OTUD7B: variants seen among roughly 807,000 people sequenced by gnomAD.
OTUD7B encodes OTU domain-containing protein 7B.
OTUD7B carries 34 observed loss-of-function variants against 82.2 expected under a neutral mutation model. The observed-to-expected ratio is 0.41, with a 90% confidence interval of 0.31 to 0.55. OTUD7B has a LOEUF of 0.55. OTUD7B is among the 20% of genes least tolerant of loss of function. The pLI, the probability that OTUD7B is intolerant of heterozygous loss-of-function variation, is 0.20. For synonymous variants in OTUD7B, 398 were observed against 402.7 expected (o/e 0.99, Z 0.14); for missense variants, 944 against 1,062.1 (o/e 0.89, Z 1.55).
intron 4 of OTUD7B, among the ~76,000 whole-genome samples, chr1:149,966,438 G>C (rs1259559653): frequency 6.6e-6 from 1 of 152,120 alleles, no homozygotes; most frequent in Non-Finnish European, 1.5e-5. Context: ...TGTATTTAAG[G>C]TGTTTTATGA....
intron 1 of OTUD7B, among the ~76,000 whole-genome samples, chr1:149,999,803 TATTA>T (rs1314279369): frequency 6.6e-6 from 1 of 152,222 alleles, no homozygotes; most frequent in Non-Finnish European, 1.5e-5. Flanking sequence ...TAAATATCAA[TATTA>T]ATTAACACTA....
rs1571607502 is a variant in OTUD7B at position 149,953,017 on chromosome 1, G to C, written c.846-2796C>G. Among the ~76,000 whole-genome samples, 4 of 152,116 alleles carry C rather than the reference G, an allele frequency of 2.6e-5. No individual in the cohort carries two copies. In the Middle Eastern group the frequency reaches 0.01, roughly 388 times the overall value. On this transcript the variant is annotated intron_variant, in intron 7 of 11. Transcript: ENST00000581312. ...TAGGTTGCCTGTTCACTCTGATGGT[G>C]GTTTCTTTTGCTGTGCAGAAGCTCT...
chr1:150,054,512 A>C, the OTUD7B span: 1 of 480,778 alleles, frequency 2.1e-6, no homozygotes, highest in Admixed American at 2.3e-5. Context: ...TACTTACTTC[A>C]AGAAGAAGCT....
At chr1:149,972,658 T>C (rs781888472) in intron 2 of OTUD7B, among the ~76,000 whole-genome samples, 2 of 152,236 alleles carry the variant, frequency 1.3e-5, no homozygotes, top group African/African-American at 4.8e-5. Context: ...TGCTAGAACA[T>C]GAAGGCAGGT....
chr1:150,064,488 G>C, the OTUD7B span, among the ~76,000 whole-genome samples: 1 of 151,704 alleles, frequency 6.6e-6, no homozygotes. Context: ...CCTACCGCAC[G>C]CTTCTCAAGT....
chr1:150,059,352 C>T, the OTUD7B span, among the ~76,000 whole-genome samples: 1 of 94,374 alleles, frequency 1.1e-5, no homozygotes, highest in South Asian at 4.1e-4. Flanking sequence ...GCCACCGCAC[C>T]TGGCCACTTT....
At chr1:150,005,819 C>CT (rs1449987083) in intron 1 of OTUD7B, among the ~76,000 whole-genome samples, 2 of 152,144 alleles carry the variant, frequency 1.3e-5, no homozygotes, top group Non-Finnish European at 2.9e-5. Context: ...AATGTAGTGG[C>CT]ATTCGTCCAG....
At chr1:149,989,673 A>G (rs1267345717) in intron 1 of OTUD7B, among the ~76,000 whole-genome samples, 2 of 146,954 alleles carry the variant, frequency 1.4e-5, no homozygotes, top group Non-Finnish European at 3.0e-5. Flanking sequence ...CAGGCATTCA[A>G]AACTGCAGTG....
chr1:149,952,565 A>T (rs1553773740), intron 7 of OTUD7B, among the ~76,000 whole-genome samples: 1 of 152,242 alleles, frequency 6.6e-6, no homozygotes, highest in Non-Finnish European at 1.5e-5. Context: ...GTATATACCC[A>T]GTAATGGGAT....
the OTUD7B span, among the ~76,000 whole-genome samples, chr1:150,033,117 A>G: frequency 1.3e-5 from 2 of 152,194 alleles, no homozygotes; most frequent in Non-Finnish European, 2.9e-5. Context: ...AATCTTTGTT[A>G]TACTTATTTT....
chr1:150,010,883 C>T (rs1270541553), upstream of OTUD7B, among the ~76,000 whole-genome samples: 2 of 152,174 alleles, frequency 1.3e-5, no homozygotes, highest in Non-Finnish European at 2.9e-5. Context: ...GCGCTTGCCC[C>T]GCGCGTGACC....
chr1:149,990,856 T>C (rs769542146), intron 1 of OTUD7B, among the ~76,000 whole-genome samples: 7 of 152,076 alleles, frequency 4.6e-5, no homozygotes, highest in Non-Finnish European at 8.8e-5. Context: ...CCAGGCATGG[T>C]GGCACATGCT....
At chr1:149,959,079 G>A (rs1451252868) in intron 7 of OTUD7B, among the ~76,000 whole-genome samples, 1 of 151,906 alleles carries the variant, frequency 6.6e-6, no homozygotes, top group African/African-American at 2.4e-5. Context: ...AAAATTAGCT[G>A]GGCGTGGTGG....
rs1340489687 is a variant in OTUD7B at position 149,942,991 on chromosome 1, C to A, written c.*866G>T. The A allele has an allele frequency of 6.6e-6, 1 of 152,486 alleles. No individual in the cohort carries two copies. Among genetic ancestry groups the A allele is most frequent in the African/African-American group, 2.4e-5 (1 of 41,382 alleles). 9.4% of individuals were successfully genotyped at this position (152,486 alleles called of 1,614,324 possible). Reference sequence around the variant, plus strand: ...CACCCCTCCCAAGGTGCACTCAAACCCCAACGTATGGTTATTGCTGTGGTT... The same window carrying A: ...CACCCCTCCCAAGGTGCACTCAAACACCAACGTATGGTTATTGCTGTGGTT... On this transcript the variant is annotated 3_prime_UTR_variant, in exon 12 of 12. Coordinates refer to ENST00000581312, the MANE Select transcript of OTUD7B (RefSeq NM_020205.4).
In OTUD7B at chr1:149,965,808, A is replaced by G. The variant is rs782363812; in HGVS notation, c.573T>C (p.Asp191=). ...QRLLPLATTG[D]GNCLLHAASL... Reference sequence around the variant, plus strand: ...AGGCTGCATGCAGGAGGCAGTTCCCATCTCCAGTAGTTGCCAAAGGAAGCA... The same window carrying G: ...AGGCTGCATGCAGGAGGCAGTTCCCGTCTCCAGTAGTTGCCAAAGGAAGCA... The change falls in exon 5 of 12, where the codon GAT becomes GAC. Residue 191 remains aspartate (D), a synonymous_variant. Transcript: ENST00000581312. 4 of 1,613,828 alleles carry G rather than the reference A, an allele frequency of 2.5e-6. No individual in the cohort carries two copies. The highest frequency in any genetic ancestry group is 3.4e-6 in the Non-Finnish European group (4 of 1,179,864).
At chr1:149,989,395 C>T (rs1377181495) in intron 1 of OTUD7B, among the ~76,000 whole-genome samples, 1 of 150,956 alleles carries the variant, frequency 6.6e-6, no homozygotes, top group Non-Finnish European at 1.5e-5. Context: ...ATTGCTTGAA[C>T]CTGGGAGGCA....
In OTUD7B at chr1:149,944,024, CCCAT is replaced by C. The variant is rs1459256921; in HGVS notation, c.2361_2364del (p.Trp788LeufsTer39). 1 of 1,614,102 alleles carries C rather than the reference CCCAT, an allele frequency of 6.2e-7. No individual in the cohort carries two copies. Among genetic ancestry groups the C allele is most frequent in the Non-Finnish European group, 8.5e-7 (1 of 1,180,042 alleles). On this transcript the variant is annotated frameshift_variant, in exon 12 of 12. Coordinates refer to ENST00000581312, the MANE Select transcript of OTUD7B (RefSeq NM_020205.4). LOFTEE classifies it high-confidence loss of function. ...GGGGGAAGGCCCCGGAGACCTCCAG[CCCAT>C]CCATCTGGCTCAGGGGGCTCTCTGT...
At chr1:150,023,442 G>A in the OTUD7B span, among the ~76,000 whole-genome samples, 1 of 152,142 alleles carries the variant, frequency 6.6e-6, no homozygotes, top group African/African-American at 2.4e-5. Context: ...TATACACAGT[G>A]GAATACCAGA....
At chr1:150,052,305 T>C in the OTUD7B span, among the ~76,000 whole-genome samples, 2 of 152,148 alleles carry the variant, frequency 1.3e-5, no homozygotes, top group African/African-American at 4.8e-5. Flanking sequence ...CTTCAGCTGA[T>C]AACTTCAGCA....
Sources: gnomAD v4.1 joint callset for allele counts (sites outside exome capture counted in the v4.1 genomes callset) on GRCh38, gnomAD v4.1.1 for gene constraint, MANE v1.5 for transcripts, NCBI Gene and HGNC (gene_info 2026-07-23, HGNC 2026-07-21) for gene names.